The following RFX3 variants were observed in gnomAD, a reference collection of about 807,000 sequenced individuals.
The protein encoded by RFX3 is regulatory factor X3.
Under a neutral mutation model 98.6 loss-of-function variants are expected in RFX3, and 14 were observed. The ratio of observed to expected loss-of-function variants is 0.14; its 90% CI spans 0.09 to 0.22. The LOEUF is 0.22. RFX3 is among the 10% of genes least tolerant of loss of function. RFX3 has a pLI of 1.00. For synonymous variants in RFX3, 383 were observed against 328.4 expected, an observed-to-expected ratio of 1.17 and a Z score of -1.80; for missense variants, 639 against 926.9, an observed-to-expected ratio of 0.69 and a Z score of 4.03.
At chr9:3,248,651 A>G (rs1820994452) in intron 14 of RFX3, among the ~76,000 whole-genome samples, 1 of 152,196 alleles carries the variant, frequency 6.6e-6, no homozygotes, top group African/African-American at 2.4e-5. Context: ...AAAGCTCACA[A>G]AATATAATAA....
chr9:3,230,674 C>T (rs1211160266), intron 15 of RFX3, among the ~76,000 whole-genome samples: 3 of 152,146 alleles, frequency 2.0e-5, no homozygotes, highest in Admixed American at 6.5e-5. Flanking sequence ...TACTAACTGA[C>T]ATAACACAAG....
chr9:3,408,629 C>T (rs1160113436), intron 1 of RFX3, among the ~76,000 whole-genome samples: 2 of 151,996 alleles, frequency 1.3e-5, no homozygotes, highest in Admixed American at 1.3e-4. Context: ...CACACACACA[C>T]ACACACGCAC....
At chr9:3,508,262 ACTCAAT>A (rs1164157445) in intron 1 of RFX3, among the ~76,000 whole-genome samples, 1 of 151,898 alleles carries the variant, frequency 6.6e-6, no homozygotes, top group Non-Finnish European at 1.5e-5. Flanking sequence ...TACTCTGGTA[ACTCAAT>A]CTCTATATTC....
chr9:3,451,308 G>A (rs1383663447), intron 1 of RFX3, among the ~76,000 whole-genome samples: 1 of 152,144 alleles, frequency 6.6e-6, no homozygotes, highest in Non-Finnish European at 1.5e-5. Context: ...AACTTTGGGA[G>A]GCTGAAGTAG....
chr9:3,517,478 C>T (rs1342733935), intron 1 of RFX3, among the ~76,000 whole-genome samples: 2 of 152,172 alleles, frequency 1.3e-5, no homozygotes, highest in East Asian at 1.9e-4. Flanking sequence ...TTCCTAAGCT[C>T]AACTCCTATT....
chr9:3,376,518 A>C (rs1168444962), intron 2 of RFX3, among the ~76,000 whole-genome samples: 2 of 152,242 alleles, frequency 1.3e-5, no homozygotes, highest in Non-Finnish European at 2.9e-5. Flanking sequence ...ATGAACTCCC[A>C]AAACATTATG....
intron 10 of RFX3, 85 bp from the exon 11 acceptor site, chr9:3,270,610 AAAT>A: frequency 7.4e-7 from 1 of 1,346,016 alleles, no homozygotes; most frequent in Non-Finnish European, 1.0e-6. Context: ...TAAGTTTACC[AAAT>A]ATTACTGAGG....
At chr9:3,403,947 G>T (rs762307218) in intron 1 of RFX3, among the ~76,000 whole-genome samples, 8 of 152,100 alleles carry the variant, frequency 5.3e-5, no homozygotes, top group African/African-American at 1.2e-4. Context: ...GCCTACACAA[G>T]AATTTTTTTC....
chr9:3,520,217 G>A (rs1472912177), intron 1 of RFX3, among the ~76,000 whole-genome samples: 4 of 152,178 alleles, frequency 2.6e-5, no homozygotes, highest in Non-Finnish European at 5.9e-5. Flanking sequence ...TAAACATAGT[G>A]TTACTTTAAT....
chr9:3,293,026 C>G, intron 6 of RFX3, 51 bp downstream of exon 6: 2 of 1,407,004 alleles, frequency 1.4e-6, no homozygotes, highest in South Asian at 1.3e-5. Flanking sequence ...ATTGAATTGC[C>G]CTAGTTTGAA....
At chr9:3,484,727 A>C (rs911770438) in intron 1 of RFX3, among the ~76,000 whole-genome samples, 1 of 152,180 alleles carries the variant, frequency 6.6e-6, no homozygotes, top group East Asian at 1.9e-4. Context: ...GTTTCTCCCT[A>C]AGGTAATAAA....
rs1199376005 is a variant in RFX3, at chr9:3,247,597, T to C, written c.1968+435A>G. The C allele has an allele frequency of 4.7e-6, 6 of 1,274,568 alleles. No individual in the cohort carries two copies. The East Asian group carries it at 2.2e-4, about 48-fold the overall frequency. 79.0% of individuals were successfully genotyped at this position (1,274,568 alleles called of 1,614,324 possible). On this transcript the variant is annotated intron_variant, in intron 15 of 16. Coordinates refer to ENST00000617270, the MANE Select transcript of RFX3 (RefSeq NM_001282116.2). ...AAAATGTTAGTTATCATCATTACCA[T>C]TTTTATCCTTCTAAAATAGAATCAT...
chr9:3,344,614 C>T (rs1834237580), intron 3 of RFX3: 1 of 534,278 alleles, frequency 1.9e-6, no homozygotes, highest in African/African-American at 2.0e-5. Context: ...TGCCCTTTTC[C>T]CTTGTCACAT....
chr9:3,255,901 T>C (rs969479009), intron 14 of RFX3, among the ~76,000 whole-genome samples: 1 of 152,208 alleles, frequency 6.6e-6, no homozygotes, highest in African/African-American at 2.4e-5. Flanking sequence ...TTACTGATGA[T>C]CATTAGAATC....
At chr9:3,462,141 A>T (rs1378113776) in intron 1 of RFX3, among the ~76,000 whole-genome samples, 1 of 152,060 alleles carries the variant, frequency 6.6e-6, no homozygotes, top group Non-Finnish European at 1.5e-5. Context: ...AGAAAATTTA[A>T]CTACAGGCCA....
rs1823118960 is a variant in RFX3 at position 3,262,959 on chromosome 9, G to A, written c.1581C>T (p.Asn527=). The change falls in exon 13 of 17, where the codon AAC becomes AAT. Residue 527 remains asparagine (N), a synonymous_variant. Transcript: ENST00000617270. ...CCTGGACATTGGCAAAGTCGACACG[G>A]TTGAGGTCACTAAGCATCTGGTTGA... ...SQINQMLSDL[N]RVDFANVQEQ... 1.2e-6 allele frequency: 2 copies of A among 1,613,778 alleles called. No individual in the cohort carries two copies. Among genetic ancestry groups the A allele is most frequent in the Non-Finnish European group, 1.7e-6 (2 of 1,179,724 alleles).
chr9:3,233,306 A>G (rs971933732), intron 15 of RFX3, among the ~76,000 whole-genome samples: 2 of 152,208 alleles, frequency 1.3e-5, no homozygotes, highest in African/African-American at 4.8e-5. Context: ...TGGATTGTTC[A>G]TTACAGGATT....
chr9:3,521,541 A>C (rs2133936483), intron 1 of RFX3, among the ~76,000 whole-genome samples: 1 of 152,350 alleles, frequency 6.6e-6, no homozygotes, highest in East Asian at 1.9e-4. Flanking sequence ...AGAAATATAA[A>C]ATTCCCACAG....
At chr9:3,303,523 T>C (rs968712820) in intron 4 of RFX3, among the ~76,000 whole-genome samples, 2 of 151,928 alleles carry the variant, frequency 1.3e-5, no homozygotes, top group Admixed American at 1.3e-4. Flanking sequence ...TTTGATATTA[T>C]AATTTTTAAT....
Sources: gnomAD v4.1 joint callset for allele counts (sites outside exome capture counted in the v4.1 genomes callset) on GRCh38, gnomAD v4.1.1 for gene constraint, MANE v1.5 for transcripts, NCBI Gene and HGNC (gene_info 2026-07-23, HGNC 2026-07-21) for gene names.